The following ACTN4 variants were observed in gnomAD, a reference collection of about 807,000 sequenced individuals.
ACTN4 encodes the protein alpha-actinin-4.
ACTN4 carries 18 observed loss-of-function variants against 114.2 expected under a neutral mutation model. The ratio of observed to expected loss-of-function variants is 0.16; its 90% CI spans 0.11 to 0.23. ACTN4 has a LOEUF of 0.23. Ranked by LOEUF, ACTN4 falls within the 10% of genes least tolerant of loss-of-function variation. The pLI, the probability that ACTN4 is intolerant of heterozygous loss-of-function variation, is 1.00. For missense variants in ACTN4, 722 were observed against 1,262.9 expected, an observed-to-expected ratio of 0.57 and a Z score of 6.49; for synonymous variants, 515 against 506.3, an observed-to-expected ratio of 1.02 and a Z score of -0.23.
At chr19:38,682,729 G>T (rs898727582) in intron 1 of ACTN4, among the ~76,000 whole-genome samples, 1 of 152,092 alleles carries the variant, frequency 6.6e-6, no homozygotes, top group Admixed American at 6.6e-5. Flanking sequence ...ACTGCCAGCC[G>T]AAGCTCCTCA....
intron 5 of ACTN4, among the ~76,000 whole-genome samples, chr19:38,707,127 C>T (rs889156564): frequency 1.3e-5 from 2 of 152,146 alleles, no homozygotes; most frequent in African/African-American, 4.8e-5. Flanking sequence ...GAGGGCTTTT[C>T]CCATCGTGCT....
chr19:38,723,285 C>T (rs189015891), intron 12 of ACTN4, among the ~76,000 whole-genome samples: 1 of 152,314 alleles, frequency 6.6e-6, no homozygotes, highest in East Asian at 1.9e-4. Flanking sequence ...TACCCCTCCT[C>T]AGGCCCCAAG....
chr19:38,704,453 A>G (rs1248577999), intron 3 of ACTN4, among the ~76,000 whole-genome samples: 1 of 152,268 alleles, frequency 6.6e-6, no homozygotes, highest in Non-Finnish European at 1.5e-5. Context: ...CAGATTCACA[A>G]TAAACAATAA....
intron 3 of ACTN4, among the ~76,000 whole-genome samples, chr19:38,702,911 C>T (rs1191931989): frequency 1.3e-5 from 2 of 152,240 alleles, no homozygotes; most frequent in Admixed American, 6.5e-5. Flanking sequence ...AGCAGGGTCT[C>T]CTGTGGTGTC....
intron 1 of ACTN4, among the ~76,000 whole-genome samples, chr19:38,695,309 G>C (rs1968057356): frequency 6.6e-6 from 1 of 152,236 alleles, no homozygotes; most frequent in Non-Finnish European, 1.5e-5. Flanking sequence ...CCACGTTCTG[G>C]ACAGTCAGAG....
At chr19:38,720,560 A>C (rs1466010645) in intron 11 of ACTN4, among the ~76,000 whole-genome samples, 1 of 152,192 alleles carries the variant, frequency 6.6e-6, no homozygotes, top group African/African-American at 2.4e-5. Context: ...TCCTGTGGGG[A>C]GTCTGGTAGG....
Position 38,648,757 on chromosome 19 carries a change from C to G in ACTN4, c.162+850C>G, listed in dbSNP as rs957129052. ...AGGAATTGATGAGGGATGGAGAAGC[C>G]GAAGTAGAGGGGATACGGAGAGTGG... On this transcript the variant is annotated intron_variant, in intron 1 of 20. Transcript: ENST00000252699. Among the ~76,000 whole-genome samples the G allele has an allele frequency of 3.3e-5, 5 of 151,308 alleles. No homozygotes were observed. In the East Asian group the frequency reaches 9.7e-4, roughly 29 times the overall value.
At chr19:38,725,999 C>T in intron 17 of ACTN4, 96 bp downstream of exon 17, 1 of 1,503,244 alleles carries the variant, frequency 6.7e-7, no homozygotes, top group Non-Finnish European at 9.2e-7. Context: ...TGTCTGCTGT[C>T]TGTTGTTTTT....
rs1216432224 is a variant in ACTN4 at position 38,729,667 on chromosome 19, A to G, written c.*235A>G. ...TGGGGCCAGCGCTTCTGGTCTGGTAAATATGTATGATGTGTTGTGCTTTTT... is the reference window on the plus strand; with the variant it reads ...TGGGGCCAGCGCTTCTGGTCTGGTAGATATGTATGATGTGTTGTGCTTTTT... On this transcript the variant is annotated 3_prime_UTR_variant, in exon 21 of 21. Coordinates refer to ENST00000252699, the MANE Select transcript of ACTN4 (RefSeq NM_004924.6). 1 of 702,884 alleles carries G rather than the reference A, an allele frequency of 1.4e-6. No individual in the cohort carries two copies. 43.5% of individuals were successfully genotyped at this position (702,884 alleles called of 1,614,324 possible). A position where few individuals can be genotyped will look rare whatever the true frequency, so the allele number is the denominator to read the frequency against.
chr19:38,659,976 G>A (rs1057180944), intron 1 of ACTN4, among the ~76,000 whole-genome samples: 15 of 146,254 alleles, frequency 1.0e-4, no homozygotes, highest in African/African-American at 3.3e-4. Flanking sequence ...CTGGAGTGCA[G>A]TGGCAGGATC....
At chr19:38,710,194 AGTGAGTGACGCCTCC>A (rs1271177377) in intron 7 of ACTN4, 48 bp from the exon 8 acceptor site, 12 of 1,568,774 alleles carry the variant, frequency 7.6e-6, no homozygotes, top group Non-Finnish European at 1.1e-5. Context: ...CGTGGATCCC[AGTGAGTGACGCCTCC>A]ACCCCCCGCC....
intron 1 of ACTN4, among the ~76,000 whole-genome samples, chr19:38,682,019 C>T (rs566051270): frequency 2.2e-4 from 34 of 152,098 alleles, no homozygotes; most frequent in Admixed American, 8.5e-4. Flanking sequence ...TTAGTAGAGA[C>T]GGGGTTTTGC....
Position 38,724,500 on chromosome 19 carries a change from C to G in ACTN4, c.1945C>G (p.His649Asp), listed in dbSNP as rs1385448134. 1 of 1,613,236 alleles carries G rather than the reference C, an allele frequency of 6.2e-7. No individual in the cohort carries two copies. Among genetic ancestry groups the G allele is most frequent in the African/African-American group, 1.3e-5 (1 of 74,948 alleles). The change falls in exon 16 of 21, where the codon CAC (histidine) becomes GAC (aspartate). Residue 649 changes from histidine (H) to aspartate (D), a missense_variant. Around this residue, in one of 3 missense-constraint regions of ACTN4, gnomAD observed 523 missense variants for 875.9 expected, o/e 0.60. Transcript: ENST00000252699. The surrounding 1 kb of genome is among the most constrained non-coding windows in gnomAD (Gnocchi z 7.0). ...GCAGAGCAAGCAGCAGTCCAACGAG[C>G]ACCTGCGCCGCCAGTTCGCCAGCCA... ...EEQSKQQSNEHLRRQFASQAN... is the reference protein window; with the variant it reads ...EEQSKQQSNEDLRRQFASQAN...
Position 38,724,675 on chromosome 19 carries a change from G to A in ACTN4, c.2010+110G>A, listed in dbSNP as rs993661801. ...GCAGACTGAGGCGCCTGGCAGAGCA[G>A]GTCCCAATTCTCACCACCCAGGGGC... On this transcript the variant is annotated intron_variant, in intron 16 of 20. Coordinates refer to ENST00000252699, the MANE Select transcript of ACTN4 (RefSeq NM_004924.6). This position sits in a 1 kb window ranked among gnomAD's most constrained non-coding sequence, Gnocchi z 7.0. 6.4e-7 allele frequency: 1 copy of A among 1,559,386 alleles called. No individual in the cohort carries two copies. The highest frequency in any genetic ancestry group is 8.7e-7 in the Non-Finnish European group (1 of 1,146,136).
intron 1 of ACTN4, among the ~76,000 whole-genome samples, chr19:38,699,224 G>A (rs940203238): frequency 2.0e-5 from 3 of 152,192 alleles, no homozygotes; most frequent in African/African-American, 7.2e-5. Flanking sequence ...GCTTGCAGGG[G>A]GCTGAGTAGC....
chr19:38,654,444 C>A (rs1212934468), intron 1 of ACTN4, among the ~76,000 whole-genome samples: 1 of 151,894 alleles, frequency 6.6e-6, no homozygotes, highest in Non-Finnish European at 1.5e-5. Context: ...CCCCTGTAAT[C>A]CCAGCTACTG....
chr19:38,708,053 G>A (rs1358164904), intron 5 of ACTN4, 64 bp from the exon 6 acceptor site: 17 of 1,513,574 alleles, frequency 1.1e-5, no homozygotes, highest in East Asian at 2.3e-5. Context: ...GGGTGCACAG[G>A]GCCATACGGC....
At chr19:38,690,685 C>T (rs1251379746) in intron 1 of ACTN4, among the ~76,000 whole-genome samples, 5 of 152,300 alleles carry the variant, frequency 3.3e-5, no homozygotes, top group Admixed American at 1.3e-4. Context: ...GTGATCTGCC[C>T]GCCTTGGCCT....
intron 17 of ACTN4, among the ~76,000 whole-genome samples, chr19:38,726,610 TC>T (rs1969240506): frequency 6.6e-6 from 1 of 152,196 alleles, no homozygotes; most frequent in African/African-American, 2.4e-5. Context: ...CCCATACAGG[TC>T]CACAGATGCT....
Sources: gnomAD v4.1 joint callset for allele counts (sites outside exome capture counted in the v4.1 genomes callset) on GRCh38, gnomAD v4.1.1 for gene constraint, gnomAD v4.1.1 regional missense constraint, Gnocchi (gnomAD v3.1) non-coding constraint, MANE v1.5 for transcripts, NCBI Gene and HGNC (gene_info 2026-07-23, HGNC 2026-07-21) for gene names.